TPST1: variants seen among roughly 807,000 people sequenced by gnomAD.
TPST1 encodes protein-tyrosine sulfotransferase 1.
A neutral mutation model predicts 34.8 loss-of-function variants in TPST1; 20 were observed. The ratio of observed to expected loss-of-function variants is 0.57; its 90% confidence interval spans 0.40 to 0.84. The LOEUF is 0.84. Ranked by LOEUF, TPST1 falls within the 40% of genes least tolerant of loss-of-function variation. TPST1 has a pLI of 0.00. For synonymous variants in TPST1, 152 were observed against 159.4 expected, an observed-to-expected ratio of 0.95 and a Z score of 0.35; for missense variants, 353 against 455.5, an observed-to-expected ratio of 0.78 and a Z score of 2.05.
intron 3 of TPST1, among the ~76,000 whole-genome samples, chr7:66,313,185 G>A (rs945282464): frequency 5.3e-5 from 8 of 152,142 alleles, no homozygotes; most frequent in South Asian, 2.1e-4. Context: ...GGTGGCCAAG[G>A]TGGGCAGATC....
At chr7:66,330,652 T>C (rs190716619) in intron 3 of TPST1, among the ~76,000 whole-genome samples, 11 of 152,292 alleles carry the variant, frequency 7.2e-5, no homozygotes, top group Admixed American at 1.3e-4. Context: ...CTCACATTCC[T>C]TAAAACTCAC....
rs192257448 is a variant in TPST1 at position 66,210,509 on chromosome 7, A to G, written c.-102+4987A>G. ...ATGAGGATGGGGGATCGAGGCATCC[A>G]CAGGGATTCTGTATCATTTGGTCTG... On this transcript the variant is annotated intron_variant, in intron 1 of 5. Coordinates refer to ENST00000304842, the MANE Select transcript of TPST1 (RefSeq NM_003596.4). 2.4e-4 allele frequency among the ~76,000 whole-genome samples: 37 copies of G among 152,306 alleles called. No homozygotes were observed. In the East Asian group the frequency reaches 7.1e-3, roughly 29 times the overall value.
intron 2 of TPST1, among the ~76,000 whole-genome samples, chr7:66,243,868 A>G (rs2116424865): frequency 6.6e-6 from 1 of 152,134 alleles, no homozygotes; most frequent in Non-Finnish European, 1.5e-5. Flanking sequence ...GTTCATTATA[A>G]TAAAGAATTT....
At chr7:66,241,621 C>T (rs1261466403) in intron 2 of TPST1, among the ~76,000 whole-genome samples, 2 of 152,112 alleles carry the variant, frequency 1.3e-5, no homozygotes, top group Non-Finnish European at 2.9e-5. Context: ...CTTCTGATTT[C>T]TAATTTCTAG....
At position 66,230,065 on chromosome 7, in the gene TPST1, G is replaced by A. The variant is rs187283603; in HGVS notation, c.-101-10260G>A. Among the ~76,000 whole-genome samples the A allele has an allele frequency of 3.1e-3, 470 of 152,286 alleles. 1 individual carries two copies. Among genetic ancestry groups the A allele is most frequent in the Non-Finnish European group, 3.8e-3 (260 of 68,026 alleles). ...TAGCTGGACATGGTGGCACGCACCT[G>A]TAGTCCCAGCTGCTCGGGAGGCTGA... On this transcript the variant is annotated intron_variant, in intron 1 of 5. Coordinates refer to ENST00000304842, the MANE Select transcript of TPST1 (RefSeq NM_003596.4).
intron 3 of TPST1, among the ~76,000 whole-genome samples, chr7:66,328,886 C>CTCTCTCTCTCTATATA (rs757168858): frequency 1.4e-4 from 3 of 22,096 alleles, no homozygotes; most frequent in Non-Finnish European, 2.2e-4. Context: ...CTCTCTCTCT[C>CTCTCTCTCTCTATATA]TATATATATA....
chr7:66,276,793 A>C (rs537778071), intron 2 of TPST1, among the ~76,000 whole-genome samples: 1 of 152,052 alleles, frequency 6.6e-6, no homozygotes, highest in South Asian at 2.1e-4. Context: ...TTACAATTTT[A>C]ATGTTTTGTG....
intron 1 of TPST1, among the ~76,000 whole-genome samples, chr7:66,210,472 A>G (rs1255008418): frequency 6.6e-6 from 1 of 152,174 alleles, no homozygotes; most frequent in African/African-American, 2.4e-5. Context: ...CCACCTGGGG[A>G]GCTTTTAAAG....
intron 2 of TPST1, among the ~76,000 whole-genome samples, chr7:66,246,017 G>T (rs964521500): frequency 3.4e-5 from 5 of 146,306 alleles, no homozygotes; most frequent in South Asian, 2.2e-4. Context: ...GTCTTTTTTG[G>T]TTTTTTTTTT....
chr7:66,321,272 T>G (rs919489768), intron 3 of TPST1, among the ~76,000 whole-genome samples: 2 of 152,228 alleles, frequency 1.3e-5, no homozygotes, highest in African/African-American at 4.8e-5. Context: ...ACAAAATGTT[T>G]CCAATCAAGG....
At position 66,295,131 on chromosome 7, in the gene TPST1, A is replaced by G. The variant is rs1285019874; in HGVS notation, c.1044+8422A>G. On this transcript the variant is annotated intron_variant, in intron 3 of 5. Transcript: ENST00000304842. The stretch of plus-strand genomic sequence containing the variant: ...AGGATTTTTTTTTTAAGGTAGGATC[A>G]ATAAAAATAGAACTAAACCAGGGTA... 2.6e-5 allele frequency among the ~76,000 whole-genome samples: 4 copies of G among 152,204 alleles called. No individual in the cohort carries two copies. In the East Asian group the frequency reaches 7.7e-4, roughly 29 times the overall value.
intron 4 of TPST1, among the ~76,000 whole-genome samples, chr7:66,354,290 G>A (rs1185369241): frequency 6.6e-6 from 1 of 152,076 alleles, no homozygotes; most frequent in African/African-American, 2.4e-5. Context: ...AATATTCCAA[G>A]AGGCTGTCTT....
intron 2 of TPST1, among the ~76,000 whole-genome samples, chr7:66,261,664 G>A (rs1057180928): frequency 6.6e-6 from 1 of 151,974 alleles, no homozygotes; most frequent in Admixed American, 6.6e-5. Flanking sequence ...TTTAATACAT[G>A]TATTTTTCCA....
intron 3 of TPST1, among the ~76,000 whole-genome samples, chr7:66,347,778 G>C (rs1419582840): frequency 6.6e-6 from 1 of 152,000 alleles, no homozygotes; most frequent in Admixed American, 6.6e-5. Flanking sequence ...TTTTCAGATT[G>C]TTCACTGTTG....
At chr7:66,278,170 G>C (rs1419516017) in intron 2 of TPST1, among the ~76,000 whole-genome samples, 1 of 151,184 alleles carries the variant, frequency 6.6e-6, no homozygotes, top group African/African-American at 2.4e-5. Flanking sequence ...TGGACTTGGG[G>C]AGCAGCAGTG....
chr7:66,295,753 C>G lies in TPST1; in HGVS notation c.1044+9044C>G, dbSNP rs191486391. On this transcript the variant is annotated intron_variant, in intron 3 of 5. Transcript: ENST00000304842. ...TCTCCTGGGTTCAAGTGATGATTCT[C>G]TTGCCTCAGGTGGGATTATAGGCAC... Among the ~76,000 whole-genome samples the G allele has an allele frequency of 1.7e-4, 26 of 152,226 alleles. 1 individual carries two copies. The highest frequency in any genetic ancestry group is 5.8e-4 in the African/African-American group (24 of 41,526).
chr7:66,220,678 TG>T (rs1397783551), intron 1 of TPST1, among the ~76,000 whole-genome samples: 4 of 6,476 alleles, frequency 6.2e-4, no homozygotes, highest in Non-Finnish European at 1.0e-3. Context: ...GTGGGGGTGG[TG>T]GGTGGGTGGG....
In TPST1 at chr7:66,249,350, A is replaced by G. The variant is rs191738481; in HGVS notation, c.845+8080A>G. 2.3e-3 allele frequency among the ~76,000 whole-genome samples: 343 copies of G among 152,268 alleles called. 2 individuals carry two copies. Among genetic ancestry groups the G allele is most frequent in the African/African-American group, 7.8e-3 (326 of 41,542 alleles). On this transcript the variant is annotated intron_variant, in intron 2 of 5. Transcript: ENST00000304842. ...TGTCAAAGAAAAGCCAAGCACATCA[A>G]GGGAATTATGGTTGGTACCCATCCA...
At chr7:66,292,907 G>T (rs1447162196) in intron 3 of TPST1, among the ~76,000 whole-genome samples, 1 of 152,112 alleles carries the variant, frequency 6.6e-6, no homozygotes, top group Non-Finnish European at 1.5e-5. Context: ...TTTTGAATTA[G>T]AAAAATTTGG....
Sources: allele counts gnomAD v4.1 joint callset (sites outside exome capture counted in the v4.1 genomes callset), GRCh38; gene constraint gnomAD v4.1.1; transcripts MANE v1.5; gene names NCBI Gene and HGNC (gene_info 2026-07-23, HGNC 2026-07-21).